The following SCLT1 variants were observed in gnomAD, a reference collection of about 807,000 sequenced individuals.
The protein encoded by SCLT1 is sodium channel and clathrin linker 1.
A neutral mutation model predicts 112.8 loss-of-function variants in SCLT1; 78 were observed. That is an observed-to-expected ratio of 0.69 (90% CI 0.58 to 0.83). SCLT1 has a LOEUF of 0.83. Ranked by LOEUF, SCLT1 falls within the 40% of genes least tolerant of loss-of-function variation. The pLI, the probability that SCLT1 is intolerant of heterozygous loss-of-function variation, is 0.00. For missense variants in SCLT1, 747 were observed against 770.4 expected, an observed-to-expected ratio of 0.97 and a Z score of 0.36; for synonymous variants, 257 against 254.7, an observed-to-expected ratio of 1.01 and a Z score of -0.09.
chr4:128,946,937 C>T (rs1738219928), intron 15 of SCLT1, among the ~76,000 whole-genome samples: 1 of 152,124 alleles, frequency 6.6e-6, no homozygotes, highest in African/African-American at 2.4e-5. Context: ...CCTAAGAGAT[C>T]CAAGGTCTCC....
At chr4:128,931,612 G>A (rs1736769600) in intron 18 of SCLT1, among the ~76,000 whole-genome samples, 1 of 152,072 alleles carries the variant, frequency 6.6e-6, no homozygotes, top group African/African-American at 2.4e-5. Context: ...ATAGGCATCT[G>A]CCACCACGCC....
chr4:128,995,033 T>C (rs1248628636), intron 8 of SCLT1, among the ~76,000 whole-genome samples: 1 of 152,170 alleles, frequency 6.6e-6, no homozygotes, highest in African/African-American at 2.4e-5. Context: ...TTTGATGCAG[T>C]CCCACTTGAT....
rs146048695 is a variant in SCLT1, at chr4:129,013,722, CTAAGA to C, written c.291-9851_291-9847del. Among the ~76,000 whole-genome samples, 732 of 152,274 alleles carry C rather than the reference CTAAGA, an allele frequency of 4.8e-3. 4 individuals are homozygous for C. Among genetic ancestry groups the C allele is most frequent in the African/African-American group, 0.016 (664 of 41,548 alleles). On this transcript the variant is annotated intron_variant, in intron 5 of 20. Transcript: ENST00000281142. ...TTTGTAGGTGACCTCATCTTTCTCTCTAAGATGTCTTTAAAATTTTTTGTTTCATT... is the reference window on the plus strand; with the variant it reads ...TTTGTAGGTGACCTCATCTTTCTCTCTGTCTTTAAAATTTTTTGTTTCATT...
At chr4:129,038,393 T>C (rs1001668649) in intron 5 of SCLT1, among the ~76,000 whole-genome samples, 14 of 152,308 alleles carry the variant, frequency 9.2e-5, no homozygotes, top group African/African-American at 2.9e-4. Context: ...TTGAAACTCT[T>C]GCACTTGTGT....
intron 18 of SCLT1, among the ~76,000 whole-genome samples, chr4:128,915,677 C>T (rs1735420423): frequency 6.6e-6 from 1 of 152,114 alleles, no homozygotes; most frequent in Non-Finnish European, 1.5e-5. Context: ...AAGAGTTTGG[C>T]CTAGAAAAGA....
chr4:128,972,053 T>G (rs951955172), intron 9 of SCLT1: 5 of 150,964 alleles, frequency 3.3e-5, no homozygotes, highest in Non-Finnish European at 7.4e-5. Flanking sequence ...CAAAAATAGG[T>G]TTTTTTCATT....
At chr4:128,891,646 T>C (rs1034510001) in intron 18 of SCLT1, among the ~76,000 whole-genome samples, 255 of 146,518 alleles carry the variant, frequency 1.7e-3, no homozygotes, top group Middle Eastern at 0.01. Flanking sequence ...TAATATGCTT[T>C]TTTTTTTTTT....
chr4:128,979,063 C>T (rs1741429073), intron 9 of SCLT1, among the ~76,000 whole-genome samples: 1 of 152,054 alleles, frequency 6.6e-6, no homozygotes, highest in Non-Finnish European at 1.5e-5. Context: ...GTATATCCTA[C>T]CTACAGAGGT....
intron 5 of SCLT1, among the ~76,000 whole-genome samples, chr4:129,022,063 G>A (rs1745532735): frequency 6.6e-6 from 1 of 152,172 alleles, no homozygotes; most frequent in Non-Finnish European, 1.5e-5. Context: ...AGAGGGGCCT[G>A]TTAGAAGAAA....
intron 17 of SCLT1, among the ~76,000 whole-genome samples, chr4:128,940,503 A>C (rs1427661933): frequency 6.6e-6 from 1 of 152,004 alleles, no homozygotes; most frequent in African/African-American, 2.4e-5. Flanking sequence ...TATACACATA[A>C]ATTTTTCAAT....
intron 18 of SCLT1, among the ~76,000 whole-genome samples, chr4:128,901,526 TGG>T (rs1734294634): frequency 1.5e-4 from 7 of 45,854 alleles, no homozygotes; most frequent in Middle Eastern, 0.011. Context: ...TATTGTGGGG[TGG>T]TGGGGGGGGG....
At position 128,956,933 on chromosome 4, in the gene SCLT1, G is replaced by A. The variant is rs867376129; in HGVS notation, c.1146+93C>T. 4.4e-6 allele frequency: 3 copies of A among 681,730 alleles called. No individual in the cohort carries two copies. The African/African-American group carries it at 5.5e-5, about 13-fold the overall frequency. The allele number at this position is 681,730 out of a possible 1,614,324, so 42.2% of individuals were successfully genotyped here. A position where few individuals can be genotyped will look rare whatever the true frequency, so the allele number is the denominator to read the frequency against. On this transcript the variant is annotated intron_variant, in intron 13 of 20. Coordinates refer to ENST00000281142, the MANE Select transcript of SCLT1 (RefSeq NM_144643.4). ...GGAGTCTTTATAACTATGTAGGCAA[G>A]TATTTTAATTTTAATTTACAAATAT...
At chr4:128,906,072 T>C (rs1734669399) in intron 18 of SCLT1, among the ~76,000 whole-genome samples, 1 of 152,208 alleles carries the variant, frequency 6.6e-6, no homozygotes, top group South Asian at 2.1e-4. Context: ...CATGCTTTAA[T>C]TAATTCCACA....
intron 5 of SCLT1, among the ~76,000 whole-genome samples, chr4:129,012,467 T>C (rs1262245856): frequency 6.6e-6 from 1 of 152,220 alleles, no homozygotes; most frequent in Non-Finnish European, 1.5e-5. Flanking sequence ...ACATGTGCCA[T>C]GTGGTGATGA....
At chr4:129,084,150 T>C (rs564248034) in intron 1 of SCLT1, among the ~76,000 whole-genome samples, 2 of 152,296 alleles carry the variant, frequency 1.3e-5, no homozygotes, top group East Asian at 3.9e-4. Context: ...TAAATTCTTA[T>C]GACATTTACT....
At position 128,998,234 on chromosome 4, in the gene SCLT1, A is replaced by C. The variant is rs1049998514; in HGVS notation, c.550-295T>G. Among the ~76,000 whole-genome samples, 26 of 151,978 alleles carry C rather than the reference A, an allele frequency of 1.7e-4. No homozygotes were observed. The East Asian group carries it at 4.8e-3, about 28-fold the overall frequency. ...TTAAAACTTGAAGAAAGAGATCATA[A>C]AAAATTATAAGTGATTAGAAATTCT... On this transcript the variant is annotated intron_variant, in intron 7 of 20. Coordinates refer to ENST00000281142, the MANE Select transcript of SCLT1 (RefSeq NM_144643.4).
intron 11 of SCLT1, among the ~76,000 whole-genome samples, chr4:128,964,030 C>T (rs1420608224): frequency 6.6e-6 from 1 of 152,116 alleles, no homozygotes; most frequent in Non-Finnish European, 1.5e-5. Context: ...TATATATTCT[C>T]CCTACCTAAA....
chr4:129,001,268 C>T (rs548405486), intron 6 of SCLT1, among the ~76,000 whole-genome samples: 1 of 151,424 alleles, frequency 6.6e-6, no homozygotes, highest in East Asian at 2.0e-4. Flanking sequence ...TCAGCAACAC[C>T]TCAGAACTGT....
chr4:129,038,972 A>C, intron 5 of SCLT1, 69 bp downstream of exon 5: 1 of 968,310 alleles, frequency 1.0e-6, no homozygotes, highest in Non-Finnish European at 1.6e-6. Flanking sequence ...GCTATCAAAT[A>C]TCAAATAACA....
Sources: allele counts gnomAD v4.1 joint callset (sites outside exome capture counted in the v4.1 genomes callset), GRCh38; gene constraint gnomAD v4.1.1; transcripts MANE v1.5; gene names NCBI Gene and HGNC (gene_info 2026-07-23, HGNC 2026-07-21).